EVC2: variants seen among roughly 807,000 people sequenced by gnomAD.
EVC2 encodes the protein EvC ciliary complex subunit 2, also known as limbin.
EVC2 carries 148 observed loss-of-function variants against 149.3 expected under a neutral mutation model. That is an observed-to-expected ratio of 0.99 (90% confidence interval 0.87 to 1.14). The LOEUF (loss-of-function observed/expected upper bound fraction) is 1.14, where lower values mean the gene tolerates loss of function less well. Among genes scored for constraint, EVC2 ranks in the 50% most tolerant of loss-of-function variants. EVC2 has a pLI of 0.00. For missense variants in EVC2, 1,854 were observed against 1,627.3 expected, an observed-to-expected ratio of 1.14 and a Z score of -2.40; for synonymous variants, 776 against 649.9, an observed-to-expected ratio of 1.19 and a Z score of -2.95.
At chr4:5,594,103 C>G (rs6446382) in intron 16 of EVC2, among the ~76,000 whole-genome samples, 100,154 of 151,946 alleles carry the variant, frequency 0.66, 33,329 homozygotes, top group East Asian at 0.86. Context: ...ACAGCTCAAG[C>G]AGGCCTGCCT....
downstream of EVC2, among the ~76,000 whole-genome samples, chr4:5,559,425 T>G (rs938511956): frequency 6.6e-6 from 1 of 152,186 alleles, no homozygotes. The surrounding 1 kb of genome is among the most constrained non-coding windows in gnomAD (Gnocchi z 5.0). Flanking sequence ...AATACTCCAG[T>G]AGCAATAAGC....
chr4:5,551,941 T>C (rs562439892), intron 21 of EVC2, among the ~76,000 whole-genome samples: 1 of 152,334 alleles, frequency 6.6e-6, no homozygotes, highest in African/African-American at 2.4e-5. Flanking sequence ...TCTGCCATGA[T>C]TGTGAGGCCT....
At chr4:5,668,596 A>G (rs1332109452) in intron 7 of EVC2, among the ~76,000 whole-genome samples, 1 of 152,254 alleles carries the variant, frequency 6.6e-6, no homozygotes, top group Non-Finnish European at 1.5e-5. Context: ...CATGGAGGTT[A>G]TGTCAAAATA....
intron 19 of EVC2, 103 bp from the exon 20 acceptor site, chr4:5,568,743 A>G: frequency 1.6e-6 from 2 of 1,271,772 alleles, no homozygotes; most frequent in Non-Finnish European, 2.2e-6. Context: ...TGGAGTGATA[A>G]ATATTTCAGT....
At chr4:5,580,690 G>A (rs1047545935) in intron 17 of EVC2, among the ~76,000 whole-genome samples, 3 of 152,206 alleles carry the variant, frequency 2.0e-5, no homozygotes, top group Non-Finnish European at 4.4e-5. Context: ...CACCTCCAGT[G>A]TAACACTTGC....
At chr4:5,556,417 A>C (rs184264082) in intron 21 of EVC2, among the ~76,000 whole-genome samples, 31 of 152,154 alleles carry the variant, frequency 2.0e-4, no homozygotes, top group Admixed American at 1.8e-3. Context: ...AACTTATCCC[A>C]ATTTGTATAA....
rs1185171304 is a variant in EVC2, at chr4:5,696,068, G to A, written c.283+1525C>T. Among the ~76,000 whole-genome samples the A allele has an allele frequency of 6.6e-6, 1 of 152,178 alleles. No individual in the cohort carries two copies. The highest frequency in any genetic ancestry group is 1.5e-5 in the Non-Finnish European group (1 of 68,038). The stretch of plus-strand genomic sequence containing the variant: ...AACAAGTGGGTGCTCCACCAGGTGA[G>A]CGGCTGATTCAGAGCATCGGGAATG... On this transcript the variant is annotated intron_variant, in intron 2 of 21. Transcript: ENST00000344408. The surrounding 1 kb of genome is among the most constrained non-coding windows in gnomAD (Gnocchi z 4.1).
intron 16 of EVC2, among the ~76,000 whole-genome samples, chr4:5,601,144 C>A (rs1254280319): frequency 1.3e-5 from 2 of 152,174 alleles, no homozygotes; most frequent in African/African-American, 2.4e-5. Flanking sequence ...AGCCACCAGA[C>A]TGAAGGCCAC....
chr4:5,564,600 T>C (rs1722149751), intron 21 of EVC2, among the ~76,000 whole-genome samples: 1 of 152,212 alleles, frequency 6.6e-6, no homozygotes. Context: ...CACACTGATA[T>C]CACTGTTTAA....
rs187838765 is a variant in EVC2, at chr4:5,659,456, G to A, written c.1145+3651C>T. ...CTTAAAACTAGTGTCCAACCACAATGCCTGAAACTGAATTGGAGTTCAATA... is the reference window on the plus strand; with the variant it reads ...CTTAAAACTAGTGTCCAACCACAATACCTGAAACTGAATTGGAGTTCAATA... On this transcript the variant is annotated intron_variant, in intron 9 of 21. Coordinates refer to ENST00000344408, the MANE Select transcript of EVC2 (RefSeq NM_147127.5). 2.6e-5 allele frequency among the ~76,000 whole-genome samples: 4 copies of A among 151,480 alleles called. No homozygotes were observed. The East Asian group carries it at 7.8e-4, about 29-fold the overall frequency.
At chr4:5,628,523 G>A (rs202074611) in intron 12 of EVC2, 36 bp downstream of exon 12, 112 of 1,612,096 alleles carry the variant, frequency 6.9e-5, no homozygotes, top group Admixed American at 1.3e-4. Context: ...AACAGACTAA[G>A]ACAGTTCGCA....
Position 5,562,656 on chromosome 4 carries a change from A to G in EVC2, c.*192T>C. On this transcript the variant is annotated 3_prime_UTR_variant, in exon 22 of 22. Coordinates refer to ENST00000344408, the MANE Select transcript of EVC2 (RefSeq NM_147127.5). This position sits in a 1 kb window ranked among gnomAD's most constrained non-coding sequence, Gnocchi z 4.3. ...TTTATGTCCTTGTGATATGGAAGAGAGTGGGCCATCTGGAAATTCATGAGA... is the reference window on the plus strand; with the variant it reads ...TTTATGTCCTTGTGATATGGAAGAGGGTGGGCCATCTGGAAATTCATGAGA... 3 of 1,457,414 alleles carry G rather than the reference A, an allele frequency of 2.1e-6. No homozygotes were observed. Among genetic ancestry groups the G allele is most frequent in the Non-Finnish European group, 2.7e-6 (3 of 1,111,094 alleles). 90.3% of individuals were successfully genotyped at this position (1,457,414 alleles called of 1,614,324 possible).
At position 5,563,006 on chromosome 4, in the gene EVC2, T is replaced by C. The variant is rs1270270639; in HGVS notation, c.3769A>G (p.Ile1257Val). ...AGATCAATGGTTTCTGCCCCTACAA[T>C]GGGTACAGGGGCCAGTTCGCCAATG... ...EPIGELAPVP[I>V]VGAETIDLLN... Residue 1257 changes from isoleucine (I) to valine (V), a missense_variant, in exon 22 of 22, where the codon ATT (isoleucine) becomes GTT (valine). Ile to Val is a conservative substitution (Grantham distance 29). Coordinates refer to ENST00000344408, the MANE Select transcript of EVC2 (RefSeq NM_147127.5). 6.2e-7 allele frequency: 1 copy of C among 1,614,210 alleles called. No individual in the cohort carries two copies.
At chr4:5,642,952 T>G (rs1033468734) in intron 9 of EVC2, among the ~76,000 whole-genome samples, 1 of 152,234 alleles carries the variant, frequency 6.6e-6, no homozygotes, top group Non-Finnish European at 1.5e-5. Context: ...ATTTTACCCA[T>G]GAACACCTCA....
intron 16 of EVC2, among the ~76,000 whole-genome samples, chr4:5,607,353 T>A (rs1714475694): frequency 6.6e-6 from 1 of 152,218 alleles, no homozygotes; most frequent in South Asian, 2.1e-4. Context: ...ACTAAATGAA[T>A]CTGTAAGTTT....
At chr4:5,687,756 ATGGAC>A in intron 5 of EVC2, among the ~76,000 whole-genome samples, 1 of 152,166 alleles carries the variant, frequency 6.6e-6, no homozygotes, top group Non-Finnish European at 1.5e-5. Context: ...TCGCAGGAGC[ATGGAC>A]CATGAAAGGT....
rs528136946 is a variant in EVC2 at position 5,599,557 on chromosome 4, T to G, written c.2830-14707A>C. On this transcript the variant is annotated intron_variant, in intron 16 of 21. Coordinates refer to ENST00000344408, the MANE Select transcript of EVC2 (RefSeq NM_147127.5). ...GGACACAGGAAGGGGAACATCACAC[T>G]CTGGGGACTGATGTGGGGTGGGCAG... Among the ~76,000 whole-genome samples, 19 of 151,910 alleles carry G rather than the reference T, an allele frequency of 1.3e-4. No individual in the cohort carries two copies. The South Asian group carries it at 3.8e-3, about 30-fold the overall frequency.
chr4:5,596,962 T>C (rs1713478375), intron 16 of EVC2, among the ~76,000 whole-genome samples: 1 of 152,178 alleles, frequency 6.6e-6, no homozygotes, highest in South Asian at 2.1e-4. Flanking sequence ...CTAGAAAATC[T>C]AGAAGAAATG....
chr4:5,682,759 TGA>T (rs988823200), intron 6 of EVC2, among the ~76,000 whole-genome samples: 2 of 150,636 alleles, frequency 1.3e-5, no homozygotes, highest in Admixed American at 6.6e-5. Context: ...CTCAGGAGGC[TGA>T]GAGAGGAGAA....
Sources: allele counts gnomAD v4.1 joint callset (sites outside exome capture counted in the v4.1 genomes callset), GRCh38; gene constraint gnomAD v4.1.1; non-coding constraint Gnocchi (gnomAD v3.1); transcripts MANE v1.5; gene names NCBI Gene and HGNC (gene_info 2026-07-23, HGNC 2026-07-21).